Variants in UCHL3 observed in about 807,000 individuals in gnomAD.
UCHL3 encodes ubiquitin carboxyl-terminal hydrolase isozyme L3.
Under a neutral mutation model 35.8 loss-of-function variants are expected in UCHL3, and 22 were observed. The ratio of observed to expected loss-of-function variants is 0.61; its 90% confidence interval spans 0.44 to 0.88. UCHL3 has a LOEUF of 0.88. Ranked by LOEUF, UCHL3 falls within the 40% of genes least tolerant of loss-of-function variation. The pLI is 0.00. For synonymous variants in UCHL3, 90 were observed against 92.8 expected (o/e 0.97, Z 0.17); for missense variants, 229 against 276.9 (o/e 0.83, Z 1.23).
At chr13:75,573,003 G>A (rs1435122689) in intron 6 of UCHL3, among the ~76,000 whole-genome samples, 4 of 152,100 alleles carry the variant, frequency 2.6e-5, no homozygotes, top group African/African-American at 7.2e-5. Flanking sequence ...GGGGGCTCAC[G>A]CCTGTAATCC....
At chr13:75,578,069 A>C (rs2032077238) in intron 6 of UCHL3, among the ~76,000 whole-genome samples, 1 of 152,186 alleles carries the variant, frequency 6.6e-6, no homozygotes, top group Non-Finnish European at 1.5e-5. Flanking sequence ...CACTTTTTGC[A>C]TCTATGTATA....
chr13:75,593,121 A>G (rs888791822), intron 6 of UCHL3, among the ~76,000 whole-genome samples: 7 of 152,316 alleles, frequency 4.6e-5, no homozygotes, highest in African/African-American at 1.7e-4. Context: ...ATAATTTATG[A>G]AAGCATAAAG....
At chr13:75,558,042 A>T (rs1248694958) in intron 2 of UCHL3, among the ~76,000 whole-genome samples, 1 of 150,356 alleles carries the variant, frequency 6.7e-6, no homozygotes, top group Non-Finnish European at 1.5e-5. Flanking sequence ...GGTAGTCTTT[A>T]TAGCTGCTTT....
intron 7 of UCHL3, 63 bp downstream of exon 7, chr13:75,595,053 A>G: frequency 1.6e-6 from 2 of 1,239,852 alleles, no homozygotes; most frequent in Non-Finnish European, 2.3e-6. Context: ...TCTACTTATG[A>G]TAAACAGGAC....
At chr13:75,594,892 C>T in intron 6 of UCHL3, 23 bp from the exon 7 acceptor site, 1 of 1,577,516 alleles carries the variant, frequency 6.3e-7, no homozygotes, top group Non-Finnish European at 8.6e-7. Context: ...GTATATAATA[C>T]CTATTTTTCC....
Position 75,569,624 on chromosome 13 carries a change from T to A in UCHL3, c.474+117T>A, listed in dbSNP as rs547061762. 28 of 968,960 alleles carry A rather than the reference T, an allele frequency of 2.9e-5. No homozygotes were observed. The Admixed American group carries it at 4.6e-4, about 16-fold the overall frequency. The allele number at this position is 968,960 out of a possible 1,614,324, so 60.0% of individuals were successfully genotyped here. A position where few individuals can be genotyped will look rare whatever the true frequency, so the allele number is the denominator to read the frequency against. ...TAAAGTTTTAGAAAGTTACTTGGCT[T>A]TTTGTTTTTTCCTTTGAGAGAATTT... On this transcript the variant is annotated intron_variant, in intron 6 of 8. Transcript: ENST00000377595.
chr13:75,586,904 T>C (rs1295207978), intron 6 of UCHL3, among the ~76,000 whole-genome samples: 2 of 149,924 alleles, frequency 1.3e-5, no homozygotes, highest in South Asian at 2.1e-4. Context: ...GAAATGCTTA[T>C]AGTAGAAAAA....
intron 6 of UCHL3, among the ~76,000 whole-genome samples, chr13:75,571,528 A>T (rs947033440): frequency 6.6e-6 from 1 of 152,142 alleles, no homozygotes; most frequent in East Asian, 1.9e-4. Context: ...TCCCACTGTA[A>T]CTATCTAGGA....
chr13:75,598,642 AG>A (rs1215141946), intron 7 of UCHL3, among the ~76,000 whole-genome samples: 2 of 152,218 alleles, frequency 1.3e-5, no homozygotes, highest in South Asian at 2.1e-4. Context: ...CATTTTTGGC[AG>A]GAATAACTGC....
At chr13:75,566,404 A>G (rs912186139) in intron 3 of UCHL3, among the ~76,000 whole-genome samples, 7 of 152,234 alleles carry the variant, frequency 4.6e-5, no homozygotes, top group Non-Finnish European at 7.3e-5. Context: ...GTGTATGAGA[A>G]TTTAAAATGT....
At chr13:75,591,065 A>G (rs1363137021) in intron 6 of UCHL3, among the ~76,000 whole-genome samples, 2 of 152,208 alleles carry the variant, frequency 1.3e-5, no homozygotes, top group Non-Finnish European at 2.9e-5. Flanking sequence ...TGACATTTCT[A>G]TAAATTATGA....
chr13:75,584,349 C>T (rs903406910), intron 6 of UCHL3, among the ~76,000 whole-genome samples: 3 of 152,138 alleles, frequency 2.0e-5, no homozygotes, highest in Admixed American at 2.0e-4. Context: ...AAGCCTAAAG[C>T]TGAGAGTGGA....
At chr13:75,575,500 T>A (rs533987791) in intron 6 of UCHL3, among the ~76,000 whole-genome samples, 1 of 152,326 alleles carries the variant, frequency 6.6e-6, no homozygotes, top group South Asian at 2.1e-4. Flanking sequence ...TAAAATAGTG[T>A]TATTAGAGTT....
At chr13:75,587,690 AT>A (rs1185721620) in intron 6 of UCHL3, among the ~76,000 whole-genome samples, 2 of 152,170 alleles carry the variant, frequency 1.3e-5, no homozygotes, top group Admixed American at 1.3e-4. Flanking sequence ...AACTCTGTAA[AT>A]TTGAAATTAT....
At chr13:75,603,660 C>T (rs1403999579) in intron 7 of UCHL3, among the ~76,000 whole-genome samples, 1 of 145,310 alleles carries the variant, frequency 6.9e-6, no homozygotes, top group African/African-American at 2.5e-5. Context: ...GAAGAATAAG[C>T]ATTTACCACA....
intron 2 of UCHL3, among the ~76,000 whole-genome samples, chr13:75,557,731 A>G (rs1310701416): frequency 6.6e-6 from 1 of 152,226 alleles, no homozygotes; most frequent in Non-Finnish European, 1.5e-5. Context: ...GTAAATTTAA[A>G]TAGAATACAT....
intron 6 of UCHL3, among the ~76,000 whole-genome samples, chr13:75,578,776 T>A (rs1311957994): frequency 1.3e-5 from 2 of 152,136 alleles, no homozygotes; most frequent in East Asian, 3.8e-4. Context: ...GAGGGATTAT[T>A]TGACCACTGG....
At chr13:75,598,942 C>A (rs2032710753) in intron 7 of UCHL3, among the ~76,000 whole-genome samples, 1 of 152,092 alleles carries the variant, frequency 6.6e-6, no homozygotes, top group Admixed American at 6.5e-5. Flanking sequence ...TCAGAATGGA[C>A]TCATGGATTC....
intron 6 of UCHL3, among the ~76,000 whole-genome samples, chr13:75,574,182 T>C (rs367926789): frequency 5.3e-5 from 8 of 151,750 alleles, no homozygotes; most frequent in African/African-American, 9.7e-5. Flanking sequence ...TGTGCCACTG[T>C]ACTCCAGCCT....
Sources: allele counts gnomAD v4.1 joint callset (sites outside exome capture counted in the v4.1 genomes callset), GRCh38; gene constraint gnomAD v4.1.1; transcripts MANE v1.5; gene names NCBI Gene and HGNC (gene_info 2026-07-23, HGNC 2026-07-21).